The following NSUN2 variants were observed in gnomAD, a reference collection of about 807,000 sequenced individuals.
NSUN2 encodes the protein RNA cytosine C(5)-methyltransferase NSUN2.
A neutral mutation model predicts 92.7 loss-of-function variants in NSUN2; 63 were observed. That is an observed-to-expected ratio of 0.68 (90% CI 0.56 to 0.84). NSUN2 has a LOEUF of 0.84. Among genes scored for constraint, NSUN2 ranks in the 40% least tolerant of loss-of-function variants. NSUN2 has a pLI of 0.00. For synonymous variants in NSUN2, 356 were observed against 348.3 expected (o/e 1.02, Z -0.25); for missense variants, 989 against 964.9 (o/e 1.02, Z -0.33).
Position 6,599,725 on chromosome 5 carries a change from C to T in NSUN2, c.*201G>A, listed in dbSNP as rs1301362975. Reference sequence around the variant, plus strand: ...AATAAAACAAGTGATTTCTAACACGCTAAAAGAGTACATTTTCATCAGCTC... The same window carrying T: ...AATAAAACAAGTGATTTCTAACACGTTAAAAGAGTACATTTTCATCAGCTC... On this transcript the variant is annotated 3_prime_UTR_variant, in exon 19 of 19. Transcript: ENST00000264670. The T allele has an allele frequency of 3.4e-6, 2 of 580,272 alleles. No individual in the cohort carries two copies. The highest frequency in any genetic ancestry group is 3.0e-6 in the Non-Finnish European group (1 of 328,462). The allele number at this position is 580,272 out of a possible 1,614,324, so 35.9% of individuals were successfully genotyped here. A position where few individuals can be genotyped will look rare whatever the true frequency, so the allele number is the denominator to read the frequency against.
At chr5:6,620,770 T>C (rs1321884581) in intron 6 of NSUN2, 1 of 152,692 alleles carries the variant, frequency 6.5e-6, no homozygotes, top group Non-Finnish European at 1.5e-5. Flanking sequence ...GGCTGGGAAG[T>C]CTACTGGGTG....
At chr5:6,613,058 G>A (rs894211509) in intron 9 of NSUN2, among the ~76,000 whole-genome samples, 3 of 152,118 alleles carry the variant, frequency 2.0e-5, no homozygotes, top group African/African-American at 2.4e-5. Context: ...TCTACAATAC[G>A]GTCTGAAGCC....
chr5:6,604,570 T>C (rs780821662), intron 16 of NSUN2, 35 bp downstream of exon 16: 2 of 1,577,990 alleles, frequency 1.3e-6, no homozygotes, highest in Admixed American at 1.7e-5. Flanking sequence ...CAGTCATCTG[T>C]GGCTACTGCT....
In NSUN2 at chr5:6,620,136, T is replaced by C. The variant is rs771349258; in HGVS notation, c.785A>G (p.Tyr262Cys). The C allele has an allele frequency of 7.5e-6, 12 of 1,605,668 alleles. No individual in the cohort carries two copies. Among genetic ancestry groups the C allele is most frequent in the Non-Finnish European group, 1.0e-5 (12 of 1,177,194 alleles). ...AGGGACATCACATAAAATTCGATCATAGAAGAGGATCTCTTTCCTGCCGTC... is the reference window on the plus strand; with the variant it reads ...AGGGACATCACATAAAATTCGATCACAGAAGAGGATCTCTTTCCTGCCGTC... ...DVDGRKEILF[Y>C]DRILCDVPCS... Residue 262 changes from tyrosine (Y) to cysteine (C), a missense_variant, in exon 7 of 19, where the codon TAT (tyrosine) becomes TGT (cysteine). Tyr to Cys is a radical substitution (Grantham distance 194). Coordinates refer to ENST00000264670, the MANE Select transcript of NSUN2 (RefSeq NM_017755.6).
intron 9 of NSUN2, among the ~76,000 whole-genome samples, chr5:6,614,559 A>G (rs994283452): frequency 6.6e-6 from 1 of 152,144 alleles, no homozygotes; most frequent in South Asian, 2.1e-4. Flanking sequence ...TGCTGCTGGA[A>G]AGAGAGACCC....
In NSUN2 at chr5:6,615,333, T is replaced by C. The variant is rs572846698; in HGVS notation, c.1021+1394A>G. On this transcript the variant is annotated intron_variant, in intron 9 of 18. Coordinates refer to ENST00000264670, the MANE Select transcript of NSUN2 (RefSeq NM_017755.6). ...GTGCTGCTCAAGCTGCCTGGAATCA[T>C]GGTTTCCTAAATTCCTAGCTAATGA... Among the ~76,000 whole-genome samples the C allele has an allele frequency of 1.4e-4, 22 of 152,344 alleles. No individual in the cohort carries two copies. The South Asian group carries it at 4.6e-3, about 32-fold the overall frequency.
intron 2 of NSUN2, 145 bp from the exon 3 acceptor site, chr5:6,632,122 C>T (rs959918495): frequency 1.5e-6 from 1 of 648,940 alleles, no homozygotes; most frequent in African/African-American, 1.8e-5. Context: ...TACTTTTACA[C>T]TGTATGCCTT....
rs772800265 is a variant in NSUN2, at chr5:6,599,641, C to G, written c.*285G>C. ...GTTTTGTTTCTTGATAGAAGTACAA[C>G]TTTTGAAAGTCTATTCCCAGCAAAA... On this transcript the variant is annotated 3_prime_UTR_variant, in exon 19 of 19. Coordinates refer to ENST00000264670, the MANE Select transcript of NSUN2 (RefSeq NM_017755.6). 132 of 354,304 alleles carry G rather than the reference C, an allele frequency of 3.7e-4. No individual in the cohort carries two copies. The highest frequency in any genetic ancestry group is 5.8e-4 in the Non-Finnish European group (114 of 197,580). The allele number at this position is 354,304 out of a possible 1,614,324, so 21.9% of individuals were successfully genotyped here. A position where few individuals can be genotyped will look rare whatever the true frequency, so the allele number is the denominator to read the frequency against.
chr5:6,632,478 T>A, intron 2 of NSUN2, 121 bp downstream of exon 2: 4 of 1,198,408 alleles, frequency 3.3e-6, no homozygotes, highest in South Asian at 2.8e-5. Context: ...GCTTCCTGAA[T>A]CCAAACCGCT....
At chr5:6,631,695 G>C (rs1277190015) in intron 3 of NSUN2, among the ~76,000 whole-genome samples, 178 bp downstream of exon 3, 1 of 152,242 alleles carries the variant, frequency 6.6e-6, no homozygotes, top group South Asian at 2.1e-4. Flanking sequence ...ATCGCAAATC[G>C]CATGAAAACT....
intron 12 of NSUN2, 55 bp from the exon 13 acceptor site, chr5:6,607,439 T>A: frequency 6.8e-7 from 1 of 1,467,766 alleles, no homozygotes; most frequent in Non-Finnish European, 9.3e-7. Flanking sequence ...TTTGTGCTGC[T>A]ACGAAAAGTT....
Position 6,607,257 on chromosome 5 carries a change from A to G in NSUN2, c.1451T>C (p.Ile484Thr), listed in dbSNP as rs202193229. 3 of 1,614,032 alleles carry G rather than the reference A, an allele frequency of 1.9e-6. No individual in the cohort carries two copies. The Admixed American group carries it at 5.0e-5, about 27-fold the overall frequency. Residue 484 changes from isoleucine to threonine, a missense_variant, in exon 13 of 19, where the codon ATA (isoleucine) becomes ACA (threonine). By Grantham distance (89) the Ile-to-Thr change is moderately conservative. Transcript: ENST00000264670. Reference sequence around the variant, plus strand: ...CTCTAAATCCTCAGTTGCATGAGCTATTTCTGTGTCACCAGTTCCTGTGAA... The same window carrying G: ...CTCTAAATCCTCAGTTGCATGAGCTGTTTCTGTGTCACCAGTTCCTGTGAA... ...PSFTGTGDTE[I>T]AHATEDLENN... is the part of the protein sequence containing the mutation.
intron 3 of NSUN2, among the ~76,000 whole-genome samples, chr5:6,629,871 C>T (rs1240285767): frequency 6.6e-6 from 1 of 152,204 alleles, no homozygotes; most frequent in Non-Finnish European, 1.5e-5. Context: ...TCTCCTGCCA[C>T]CCTGTGCAGA....
Position 6,602,693 on chromosome 5 carries a change from A to G in NSUN2, c.1958-193T>C, listed in dbSNP as rs181589131. 2.6e-4 allele frequency among the ~76,000 whole-genome samples: 40 copies of G among 152,354 alleles called. No individual in the cohort carries two copies. The East Asian group carries it at 7.3e-3, about 28-fold the overall frequency. On this transcript the variant is annotated intron_variant, in intron 17 of 18. Transcript: ENST00000264670. ...TACATGAACCAAGTCCAAATGACGC[A>G]GTAGGGACGATCTGGAAGAGGACCC... is the stretch of plus-strand genomic sequence containing the variant.
intron 8 of NSUN2, among the ~76,000 whole-genome samples, 195 bp from the exon 9 acceptor site, chr5:6,617,052 T>C (rs943295514): frequency 6.6e-6 from 1 of 152,210 alleles, no homozygotes; most frequent in South Asian, 2.1e-4. Context: ...AAATGTATTA[T>C]ATAAATATTC....
At chr5:6,623,184 GC>G in intron 5 of NSUN2, 29 bp downstream of exon 5, 1 of 1,564,460 alleles carries the variant, frequency 6.4e-7, no homozygotes, top group Non-Finnish European at 8.6e-7. Flanking sequence ...CAAGCTGCCC[GC>G]CCCCACGTTT....
chr5:6,602,560 G>A, intron 17 of NSUN2, 60 bp from the exon 18 acceptor site: 1 of 1,338,950 alleles, frequency 7.5e-7, no homozygotes, highest in Non-Finnish European at 1.1e-6. Context: ...CATGCGCTGA[G>A]CACATTTCTG....
In NSUN2 at chr5:6,632,971, C is replaced by T. The variant is rs1461243787; in HGVS notation, c.9G>A (p.Arg3=). The part of the protein sequence containing the change: MG[R]RSRGRRLQQQ... ...GCTGGAGCCGCCGACCCCGCGACCGCCGCCCCATAGCCCACGCGGCCGCGC... is the reference window on the plus strand; with the variant it reads ...GCTGGAGCCGCCGACCCCGCGACCGTCGCCCCATAGCCCACGCGGCCGCGC... The change falls in exon 1 of 19, where the codon CGG becomes CGA. Residue 3 remains arginine, a synonymous_variant. Transcript: ENST00000264670. 3 of 1,485,836 alleles carry T rather than the reference C, an allele frequency of 2.0e-6. No individual in the cohort carries two copies. Among genetic ancestry groups the T allele is most frequent in the Non-Finnish European group, 1.8e-6 (2 of 1,126,940 alleles). The allele number at this position is 1,485,836 out of a possible 1,614,324, so 92.0% of individuals were successfully genotyped here.
intron 2 of NSUN2, 50 bp downstream of exon 2, chr5:6,632,549 C>T (rs1737966436): frequency 6.3e-7 from 1 of 1,599,348 alleles, no homozygotes. Flanking sequence ...CGCCTTTAAC[C>T]TCCAGCATCC....
Sources: gnomAD v4.1 joint callset for allele counts (sites outside exome capture counted in the v4.1 genomes callset) on GRCh38, gnomAD v4.1.1 for gene constraint, MANE v1.5 for transcripts, NCBI Gene and HGNC (gene_info 2026-07-23, HGNC 2026-07-21) for gene names.